CFAP69: variants seen among roughly 807,000 people sequenced by gnomAD.
The protein encoded by CFAP69 is cilia and flagella associated protein 69.
A neutral mutation model predicts 123.0 loss-of-function variants in CFAP69; 92 were observed. That is an observed-to-expected ratio of 0.75 (90% CI 0.63 to 0.89). The LOEUF is 0.89. Among genes scored for constraint, CFAP69 ranks in the 40% least tolerant of loss-of-function variants. The probability of loss-of-function intolerance (pLI) is 0.00; values close to 1 mark genes in which losing one functional copy is unlikely to be tolerated. For missense variants in CFAP69, 1,067 were observed against 1,096.9 expected, an observed-to-expected ratio of 0.97 and a Z score of 0.39; for synonymous variants, 380 against 364.3, an observed-to-expected ratio of 1.04 and a Z score of -0.49.
At chr7:90,257,187 G>A (rs1004686053) in intron 2 of CFAP69, among the ~76,000 whole-genome samples, 7 of 152,256 alleles carry the variant, frequency 4.6e-5, no homozygotes, top group African/African-American at 1.2e-4. Context: ...GGTACATGAC[G>A]TAGAAAAAAT....
intron 6 of CFAP69, among the ~76,000 whole-genome samples, chr7:90,270,720 G>T (rs556086408): frequency 1.3e-5 from 2 of 152,068 alleles, no homozygotes; most frequent in Non-Finnish European, 2.9e-5. Flanking sequence ...CAGGGTGTTA[G>T]ATAAATGAGA....
intron 14 of CFAP69, chr7:90,287,691 A>G: frequency 1.0e-6 from 1 of 985,594 alleles, no homozygotes; most frequent in Non-Finnish European, 1.2e-6. Flanking sequence ...CTCCTCTGGA[A>G]AAATAATCAT....
chr7:90,320,670 A>G, the CFAP69 span: 1 of 152,272 alleles, frequency 6.6e-6, no homozygotes, highest in African/African-American at 2.4e-5. Context: ...GATCCAGAAC[A>G]CAGGACTCAC....
intron 17 of CFAP69, 182 bp downstream of exon 17, chr7:90,300,241 T>C: frequency 2.8e-6 from 3 of 1,082,590 alleles, no homozygotes; most frequent in Non-Finnish European, 3.5e-6. Flanking sequence ...AAATTAGTAG[T>C]AGGTTCATAT....
At chr7:90,258,927 T>C (rs1797973398) in intron 3 of CFAP69, among the ~76,000 whole-genome samples, 1 of 152,186 alleles carries the variant, frequency 6.6e-6, no homozygotes, top group Non-Finnish European at 1.5e-5. Flanking sequence ...TTAATTTACA[T>C]GGGCAGTTGT....
intron 15 of CFAP69, among the ~76,000 whole-genome samples, chr7:90,290,659 C>T (rs1790992065): frequency 6.6e-6 from 1 of 152,162 alleles, no homozygotes; most frequent in Admixed American, 6.5e-5. Flanking sequence ...CATATACCAG[C>T]CTCTACCCTA....
intron 15 of CFAP69, among the ~76,000 whole-genome samples, chr7:90,293,645 C>T (rs1173240999): frequency 1.3e-5 from 2 of 152,202 alleles, no homozygotes; most frequent in Admixed American, 6.5e-5. Context: ...TTTCTTTATA[C>T]ACCTTACATA....
intron 11 of CFAP69, among the ~76,000 whole-genome samples, 199 bp from the exon 12 acceptor site, chr7:90,279,478 A>G (rs1157403936): frequency 1.3e-5 from 2 of 151,912 alleles, no homozygotes; most frequent in Non-Finnish European, 1.5e-5. Context: ...CAGGGAGTAC[A>G]TACCTCAGAA....
Position 90,279,899 on chromosome 7 carries a change from T to C in CFAP69, c.1372+6T>C. ...AGAATGGTGTGAGAGTGAAGGTGAG[T>C]GGCCCTTCAAGATTCTTGTCAAAAT... is the stretch of plus-strand genomic sequence containing the variant. On this transcript the variant is annotated splice_donor_region_variant and intron_variant, in intron 12 of 22. Coordinates refer to ENST00000389297, the MANE Select transcript of CFAP69 (RefSeq NM_001039706.3). 1 of 1,556,532 alleles carries C rather than the reference T, an allele frequency of 6.4e-7. No homozygotes were observed. The highest frequency in any genetic ancestry group is 8.7e-7 in the Non-Finnish European group (1 of 1,153,934).
rs780837135 is a variant in CFAP69 at position 90,255,474 on chromosome 7, A to T, written c.172A>T (p.Thr58Ser). ...TCGTGTCATCAAACTCCTCGAAGAGACTGATAAAGTGAGTAAGCTTTGAGA... is the reference window on the plus strand; with the variant it reads ...TCGTGTCATCAAACTCCTCGAAGAGTCTGATAAAGTGAGTAAGCTTTGAGA... ...LNRVIKLLEETDKDGLEEKQL... is the reference protein window; with the variant it reads ...LNRVIKLLEESDKDGLEEKQL... Residue 58 changes from threonine (T) to serine (S), a missense_variant, in exon 2 of 23, where the codon ACT becomes TCT. Transcript: ENST00000389297. 6.2e-7 allele frequency: 1 copy of T among 1,612,188 alleles called. No homozygotes were observed. The highest frequency in any genetic ancestry group is 8.5e-7 in the Non-Finnish European group (1 of 1,178,854).
chr7:90,271,404 TA>T, intron 6 of CFAP69, 121 bp from the exon 7 acceptor site: 1 of 1,055,144 alleles, frequency 9.5e-7, no homozygotes, highest in South Asian at 1.7e-5. Flanking sequence ...GCGCAATTTT[TA>T]AATTCCATAT....
intron 15 of CFAP69, among the ~76,000 whole-genome samples, chr7:90,291,068 A>G (rs1791114099): frequency 6.6e-6 from 1 of 152,136 alleles, no homozygotes; most frequent in Non-Finnish European, 1.5e-5. Flanking sequence ...TTCCTGATCC[A>G]GACCGAAAGA....
chr7:90,258,074 A>C, intron 2 of CFAP69, 24 bp from the exon 3 acceptor site: 1 of 1,572,924 alleles, frequency 6.4e-7, no homozygotes, highest in African/African-American at 1.4e-5. Flanking sequence ...GCACAAAAGA[A>C]CTAAAATAGG....
chr7:90,254,151 G>A (rs551286589), intron 1 of CFAP69, among the ~76,000 whole-genome samples: 12 of 152,250 alleles, frequency 7.9e-5, no homozygotes, highest in South Asian at 2.1e-4. Flanking sequence ...GGCTGTGAAT[G>A]CAGGGACTTA....
In CFAP69 at chr7:90,258,143, C is replaced by T. The variant is rs1797872141; in HGVS notation, c.226C>T (p.Gln76Ter). Residue 76 changes from glutamine to a stop codon, truncating the protein, a stop_gained, in exon 3 of 23, where the codon CAG (glutamine) becomes TAG (stop). Coordinates refer to ENST00000389297, the MANE Select transcript of CFAP69 (RefSeq NM_001039706.3). LOFTEE classifies it high-confidence loss of function. ...KQLKFVKKLVQCYQNGLPLRD... is the reference protein window; with the variant it reads ...KQLKFVKKLV ...ACTTAAATTTGTCAAGAAACTGGTACAGTGTTATCAGAATGGACTTGTATC... is the reference window on the plus strand; with the variant it reads ...ACTTAAATTTGTCAAGAAACTGGTATAGTGTTATCAGAATGGACTTGTATC... The T allele has an allele frequency of 6.2e-7, 1 of 1,608,610 alleles. No individual in the cohort carries two copies.
At chr7:90,303,657 A>G (rs1793133533) in intron 17 of CFAP69, 23 of 987,026 alleles carry the variant, frequency 2.3e-5, no homozygotes, top group Non-Finnish European at 2.7e-5. Flanking sequence ...TTAAACTGAC[A>G]TTACTCAAGT....
Position 90,296,959 on chromosome 7 carries a change from AGGTGCC to A in CFAP69, c.1776-787_1776-782del, listed in dbSNP as rs200069617. ...TAAATGTCTCTTATCAGACCTTAAA[AGGTGCC>A]GGACTTAGTTAAATCTCTCCTGGAT... On this transcript the variant is annotated intron_variant, in intron 15 of 22. Coordinates refer to ENST00000389297, the MANE Select transcript of CFAP69 (RefSeq NM_001039706.3). 2.5e-3 allele frequency among the ~76,000 whole-genome samples: 388 copies of A among 152,332 alleles called. 1 individual carries two copies. The highest frequency in any genetic ancestry group is 0.022 in the East Asian group (112 of 5,182).
chr7:90,288,593 C>T (rs1790647187), intron 15 of CFAP69, among the ~76,000 whole-genome samples: 1 of 151,832 alleles, frequency 6.6e-6, no homozygotes, highest in Non-Finnish European at 1.5e-5. Context: ...AATTGTAACA[C>T]AATAGTAAGT....
chr7:90,271,453 A>C, intron 6 of CFAP69, 73 bp from the exon 7 acceptor site: 1 of 1,443,534 alleles, frequency 6.9e-7, no homozygotes, highest in Non-Finnish European at 9.4e-7. Flanking sequence ...CTTAATAATA[A>C]ATTACTCATT....
Sources: allele counts gnomAD v4.1 joint callset (sites outside exome capture counted in the v4.1 genomes callset), GRCh38; gene constraint gnomAD v4.1.1; transcripts MANE v1.5; gene names NCBI Gene and HGNC (gene_info 2026-07-23, HGNC 2026-07-21).